Variants in ITGB5 observed in about 807,000 individuals in gnomAD.
ITGB5 encodes the protein integrin subunit beta 5.
A neutral mutation model predicts 84.8 loss-of-function variants in ITGB5; 38 were observed. That is an observed-to-expected ratio of 0.45 (90% CI 0.35 to 0.59). ITGB5 has a LOEUF of 0.59. Ranked by LOEUF, ITGB5 falls within the 20% of genes least tolerant of loss-of-function variation. ITGB5 has a pLI of 0.01. For synonymous variants in ITGB5, 393 were observed against 414.4 expected (o/e 0.95, Z 0.63); for missense variants, 905 against 1,034.5 (o/e 0.87, Z 1.72).
intron 5 of ITGB5, among the ~76,000 whole-genome samples, chr3:124,826,059 A>G (rs950416498): frequency 4.6e-5 from 7 of 152,232 alleles, no homozygotes; most frequent in Non-Finnish European, 8.8e-5. Flanking sequence ...CTATAGTTAT[A>G]GTGTGATTAC....
chr3:124,871,428 T>C (rs923440167), intron 2 of ITGB5, among the ~76,000 whole-genome samples: 3 of 152,106 alleles, frequency 2.0e-5, no homozygotes, highest in African/African-American at 7.2e-5. Context: ...ACTCCTGACC[T>C]TGTGATCCAC....
chr3:124,764,293 C>G (rs1431128127), intron 14 of ITGB5, 98 bp downstream of exon 14: 13 of 1,300,960 alleles, frequency 1.0e-5, no homozygotes, highest in Non-Finnish European at 1.4e-5. Flanking sequence ...TTTTTAATGC[C>G]AAAGACATTA....
intron 9 of ITGB5, among the ~76,000 whole-genome samples, chr3:124,807,480 G>T (rs2064424148): frequency 6.6e-6 from 1 of 152,134 alleles, no homozygotes; most frequent in Non-Finnish European, 1.5e-5. Flanking sequence ...GCTTGATTAG[G>T]CCTTCTTTCA....
At chr3:124,770,556 C>CGAA (rs2063826721) in intron 11 of ITGB5, among the ~76,000 whole-genome samples, 1 of 152,152 alleles carries the variant, frequency 6.6e-6, no homozygotes, top group Admixed American at 6.5e-5. Flanking sequence ...GCAGAAACTG[C>CGAA]GAAGTGGAGG....
intron 10 of ITGB5, among the ~76,000 whole-genome samples, chr3:124,793,931 C>T (rs888964639): frequency 2.0e-5 from 3 of 152,242 alleles, no homozygotes; most frequent in Non-Finnish European, 4.4e-5. Flanking sequence ...GCTTGTGTCA[C>T]GGCAAGGTCC....
chr3:124,900,809 C>T (rs1005576891), intron 1 of ITGB5, among the ~76,000 whole-genome samples: 1 of 152,120 alleles, frequency 6.6e-6, no homozygotes, highest in African/African-American at 2.4e-5. Context: ...ATGGATTTAT[C>T]TCCTTTTTAA....
intron 12 of ITGB5, among the ~76,000 whole-genome samples, chr3:124,767,488 G>A (rs2063783609): frequency 1.3e-5 from 2 of 152,234 alleles, no homozygotes; most frequent in South Asian, 4.1e-4. Flanking sequence ...AAGCAGCTGT[G>A]CATGAACGGC....
chr3:124,816,918 G>A (rs976831771), intron 8 of ITGB5, among the ~76,000 whole-genome samples: 21 of 152,116 alleles, frequency 1.4e-4, no homozygotes, highest in African/African-American at 5.1e-4. Flanking sequence ...AAGTAGGTAG[G>A]CAAAAACATT....
chr3:124,859,586 GTA>G, intron 2 of ITGB5, 140 bp from the exon 3 acceptor site: 1 of 654,308 alleles, frequency 1.5e-6, no homozygotes. Flanking sequence ...GGAGGAAATG[GTA>G]ATCCCTATCC....
At chr3:124,811,174 C>G (rs986158531) in intron 8 of ITGB5, among the ~76,000 whole-genome samples, 1 of 152,192 alleles carries the variant, frequency 6.6e-6, no homozygotes, top group Non-Finnish European at 1.5e-5. Context: ...ACAGAGCACT[C>G]TCCTGCTGCC....
At chr3:124,878,127 G>C (rs906852064) in intron 1 of ITGB5, among the ~76,000 whole-genome samples, 1 of 152,172 alleles carries the variant, frequency 6.6e-6, no homozygotes, top group African/African-American at 2.4e-5. Flanking sequence ...TGGGATTATA[G>C]ACGTGAGCCA....
At chr3:124,816,064 TC>T (rs2064585745) in intron 8 of ITGB5, among the ~76,000 whole-genome samples, 3 of 152,016 alleles carry the variant, frequency 2.0e-5, no homozygotes, top group African/African-American at 7.3e-5. Flanking sequence ...AGTATCTGAA[TC>T]TGTGAGAGCA....
intron 4 of ITGB5, among the ~76,000 whole-genome samples, chr3:124,844,205 CAAAAAAAAAAAA>C (rs58956636): frequency 1.2e-4 from 10 of 85,906 alleles, no homozygotes; most frequent in South Asian, 5.0e-4. Flanking sequence ...TTGGTTTTGG[CAAAAAAAAAAAA>C]AAAAAAAAAA....
chr3:124,766,945 C>A (rs866724521), intron 12 of ITGB5, among the ~76,000 whole-genome samples: 1 of 152,212 alleles, frequency 6.6e-6, no homozygotes, highest in African/African-American at 2.4e-5. Context: ...TGGCCCTGAA[C>A]GTGGCCCGGC....
chr3:124,789,227 G>C (rs1388086936), intron 10 of ITGB5, among the ~76,000 whole-genome samples: 1 of 152,226 alleles, frequency 6.6e-6, no homozygotes, highest in African/African-American at 2.4e-5. Context: ...ATATAAATAT[G>C]GTGAGAAACA....
At chr3:124,811,879 G>C (rs944727685) in intron 8 of ITGB5, among the ~76,000 whole-genome samples, 2 of 152,158 alleles carry the variant, frequency 1.3e-5, no homozygotes, top group African/African-American at 4.8e-5. Context: ...ACCGGGTGCA[G>C]GCTTTCTTGA....
rs372419636 is a variant in ITGB5 at position 124,871,686 on chromosome 3, GCA to G, written c.156+1758_156+1759del. On this transcript the variant is annotated intron_variant, in intron 2 of 14. Transcript: ENST00000296181. Reference sequence around the variant, plus strand: ...AAAAGATATTTTTTCAATTAGCCGAGCACAGTGGCCCACACCTGTAGTCCCAG... The same window carrying G: ...AAAAGATATTTTTTCAATTAGCCGAGCAGTGGCCCACACCTGTAGTCCCAG... 3.6e-4 allele frequency among the ~76,000 whole-genome samples: 55 copies of G among 152,036 alleles called. 1 individual carries two copies. The East Asian group carries it at 9.1e-3, about 25-fold the overall frequency.
At chr3:124,820,311 T>C (rs1464862712) in intron 6 of ITGB5, among the ~76,000 whole-genome samples, 1 of 152,206 alleles carries the variant, frequency 6.6e-6, no homozygotes, top group Admixed American at 6.5e-5. Context: ...CCACAGGTCC[T>C]GCTTCATCCT....
intron 8 of ITGB5, among the ~76,000 whole-genome samples, chr3:124,812,994 C>T (rs868553460): frequency 6.6e-6 from 1 of 152,154 alleles, no homozygotes; most frequent in Non-Finnish European, 1.5e-5. Flanking sequence ...ACAAACCACT[C>T]GGACGGTGAG....
Sources: allele counts gnomAD v4.1 joint callset (sites outside exome capture counted in the v4.1 genomes callset), GRCh38; gene constraint gnomAD v4.1.1; transcripts MANE v1.5; gene names NCBI Gene and HGNC (gene_info 2026-07-23, HGNC 2026-07-21).